TMEM132A: variants seen among roughly 807,000 people sequenced by gnomAD.
TMEM132A encodes GRP78-binding protein.
A neutral mutation model predicts 69.9 loss-of-function variants in TMEM132A; 48 were observed. The observed-to-expected ratio is 0.69, with a 90% CI of 0.55 to 0.87. The LOEUF is 0.87. Ranked by LOEUF, TMEM132A falls within the 40% of genes least tolerant of loss-of-function variation. The probability of loss-of-function intolerance (pLI) is 0.00; values close to 1 mark genes in which losing one functional copy is unlikely to be tolerated. For missense variants in TMEM132A, 1,287 were observed against 1,407.2 expected, an observed-to-expected ratio of 0.91 and a Z score of 1.37; for synonymous variants, 577 against 613.7, an observed-to-expected ratio of 0.94 and a Z score of 0.88.
chr11:60,929,457 G>A (rs1006735000), intron 4 of TMEM132A, among the ~76,000 whole-genome samples: 3 of 152,144 alleles, frequency 2.0e-5, no homozygotes, highest in Non-Finnish European at 2.9e-5. Flanking sequence ...GTCCTTTTCC[G>A]TAATAAGTTC....
chr11:60,933,807 A>G, intron 8 of TMEM132A, 63 bp downstream of exon 8: 1 of 1,450,946 alleles, frequency 6.9e-7, no homozygotes, highest in Admixed American at 2.1e-5. Flanking sequence ...GAGAGGGCGC[A>G]GGGGACACAG....
chr11:60,931,697 A>G lies in TMEM132A; in HGVS notation c.1025A>G (p.Glu342Gly). The change falls in exon 6 of 11, where the codon GAA becomes GGA. Residue 342 changes from glutamate (E) to glycine (G), a missense_variant. Glu to Gly is a moderately conservative substitution (Grantham distance 98, BLOSUM62 -2). Coordinates refer to ENST00000453848, the MANE Select transcript of TMEM132A (RefSeq NM_178031.3). ...GLTEPDSSPL[E>G]LSEFLWVDFV... ...TCTCCTTTGGCCAGCAGTCCCCTTG[A>G]ACTGTCTGAGTTCCTATGGGTGGAC... 6.2e-7 allele frequency: 1 copy of G among 1,611,382 alleles called. No homozygotes were observed. Among genetic ancestry groups the G allele is most frequent in the Non-Finnish European group, 8.5e-7 (1 of 1,177,914 alleles).
At position 60,931,749 on chromosome 11, in the gene TMEM132A, G is replaced by A. The variant is rs1291247911; in HGVS notation, c.1077G>A (p.Gly359=). ...VDFVVENSTG[G]GVAVTRPVTW... is the part of the protein sequence containing the mutation. Reference sequence around the variant, plus strand: ...TTGTGGTGGAGAATAGCACTGGTGGGGGCGTAGCGGTCACTCGCCCCGTCA... The same window carrying A: ...TTGTGGTGGAGAATAGCACTGGTGGAGGCGTAGCGGTCACTCGCCCCGTCA... The change falls in exon 6 of 11, where the codon GGG becomes GGA. Residue 359 remains glycine, a synonymous_variant. Coordinates refer to ENST00000453848, the MANE Select transcript of TMEM132A (RefSeq NM_178031.3). The A allele has an allele frequency of 6.2e-7, 1 of 1,614,098 alleles. No individual in the cohort carries two copies. The highest frequency in any genetic ancestry group is 2.2e-5 in the East Asian group (1 of 44,904).
At chr11:60,925,020 G>A (rs995759096) in intron 1 of TMEM132A, among the ~76,000 whole-genome samples, 5 of 152,136 alleles carry the variant, frequency 3.3e-5, no homozygotes, top group Admixed American at 2.6e-4. Context: ...CCCTCAGCCC[G>A]GGCATCGAAC....
rs1426924972 is a variant in TMEM132A, at chr11:60,931,669, C to CT, written c.1017-19dup. The CT allele has an allele frequency of 6.3e-7, 1 of 1,591,234 alleles. No homozygotes were observed. Among genetic ancestry groups the CT allele is most frequent in the Middle Eastern group, 1.7e-4 (1 of 5,938 alleles). ...GGCAGCTAGCAAGCATTTGGCTTCT[C>CT]TGTCTCCTTTGGCCAGCAGTCCCCT... On this transcript the variant is annotated intron_variant, in intron 5 of 10. Transcript: ENST00000453848.
At chr11:60,934,229 A>G (rs1214844124) in intron 8 of TMEM132A, 1 of 402,902 alleles carries the variant, frequency 2.5e-6, no homozygotes, top group Non-Finnish European at 4.4e-6. Context: ...GGGTCCCCGT[A>G]AGAGAGCGTC....
Position 60,927,266 on chromosome 11 carries a change from G to A in TMEM132A, c.163G>A (p.Ala55Thr), listed in dbSNP as rs749594128. 8.1e-6 allele frequency: 13 copies of A among 1,613,338 alleles called. No individual in the cohort carries two copies. The highest frequency in any genetic ancestry group is 6.6e-5 in the South Asian group (6 of 91,060). The change falls in exon 2 of 11, where the codon GCC (alanine) becomes ACC (threonine). Residue 55 changes from alanine (A) to threonine (T), a missense_variant. Physicochemically the swap from Ala to Thr is moderately conservative, Grantham distance 58 (BLOSUM62 0). Transcript: ENST00000453848. ...YLPAALELLD[A>T]PEHFRVQQVG... ...GCCGGCAGCCCTGGAGCTCCTAGAC[G>A]CCCCTGAACACTTCCGTGTGCAGCA...
chr11:60,936,935 A>G lies in TMEM132A; in HGVS notation c.*28A>G. On this transcript the variant is annotated 3_prime_UTR_variant, in exon 11 of 11. Transcript: ENST00000453848. ...CTCCACAGCCACCTGGTCAGCCACC[A>G]GCTGGGGCAACGAGGGTGGAGGTCC... 2.7e-6 allele frequency: 4 copies of G among 1,503,392 alleles called. No homozygotes were observed. In the South Asian group the frequency reaches 5.4e-5, roughly 20 times the overall value. The allele number at this position is 1,503,392 out of a possible 1,614,324, so 93.1% of individuals were successfully genotyped here. A position where few individuals can be genotyped will look rare whatever the true frequency, so the allele number is the denominator to read the frequency against.
chr11:60,928,896 G>A lies in TMEM132A; in HGVS notation c.802G>A (p.Gly268Ser), dbSNP rs372811050. Residue 268 changes from glycine (G) to serine (S), a missense_variant, in exon 4 of 11, where the codon GGC becomes AGC. By Grantham distance (56) the Gly-to-Ser change is moderately conservative. Coordinates refer to ENST00000453848, the MANE Select transcript of TMEM132A (RefSeq NM_178031.3). ...LRVPDMPVRP[G>S]QLFSATLLLR... Reference sequence around the variant, plus strand: ...GGTGCCTGACATGCCAGTGCGGCCCGGCCAGCTCTTTAGTGCTACCCTCCT... The same window carrying A: ...GGTGCCTGACATGCCAGTGCGGCCCAGCCAGCTCTTTAGTGCTACCCTCCT... The A allele has an allele frequency of 4.7e-5, 76 of 1,612,638 alleles. No homozygotes were observed. Among genetic ancestry groups the A allele is most frequent in the Non-Finnish European group, 6.3e-5 (74 of 1,180,016 alleles).
In TMEM132A at chr11:60,936,753, C is replaced by G. The variant is rs1429178320; in HGVS notation, c.2918C>G (p.Pro973Arg). ...VEFVTFAPAP[P>R]AQSPEEPVGA... Reference sequence around the variant, plus strand: ...TTTGTGACATTTGCGCCAGCCCCTCCAGCCCAGTCACCTGAGGAGCCTGTA... The same window carrying G: ...TTTGTGACATTTGCGCCAGCCCCTCGAGCCCAGTCACCTGAGGAGCCTGTA... Residue 973 changes from proline to arginine, a missense_variant, in exon 11 of 11, where the codon CCA becomes CGA. Pro to Arg is a moderately radical substitution (Grantham distance 103, BLOSUM62 -2). Transcript: ENST00000453848. 1 of 1,608,814 alleles carries G rather than the reference C, an allele frequency of 6.2e-7. No individual in the cohort carries two copies. The highest frequency in any genetic ancestry group is 1.3e-5 in the African/African-American group (1 of 74,646).
In TMEM132A at chr11:60,937,122, A is replaced by G; in HGVS notation, c.*215A>G. 2.7e-6 allele frequency: 4 copies of G among 1,505,760 alleles called. No homozygotes were observed. The highest frequency in any genetic ancestry group is 1.4e-5 in the African/African-American group (1 of 71,894). The allele number at this position is 1,505,760 out of a possible 1,614,324, so 93.3% of individuals were successfully genotyped here. The stretch of plus-strand genomic sequence containing the variant: ...CTCATGCCCCTTATTTATGGGAACC[A>G]TTTCATTCTAACAGAATAAACCGAG... On this transcript the variant is annotated 3_prime_UTR_variant, in exon 11 of 11. Coordinates refer to ENST00000453848, the MANE Select transcript of TMEM132A (RefSeq NM_178031.3).
Position 60,924,536 on chromosome 11 carries a change from C to T in TMEM132A, c.-98C>T, listed in dbSNP as rs879361442. ...GGCGGCGGCGGCGGCCGGGACCCAGCGGGCCAGGTGGGGACGGCGCGGAGC... is the reference window on the plus strand; with the variant it reads ...GGCGGCGGCGGCGGCCGGGACCCAGTGGGCCAGGTGGGGACGGCGCGGAGC... On this transcript the variant is annotated 5_prime_UTR_variant, in exon 1 of 11. Transcript: ENST00000453848. 109 of 891,290 alleles carry T rather than the reference C, an allele frequency of 1.2e-4. No individual in the cohort carries two copies. The highest frequency in any genetic ancestry group is 1.6e-4 in the Non-Finnish European group (103 of 657,250). 55.2% of individuals were successfully genotyped at this position (891,290 alleles called of 1,614,324 possible). A position where few individuals can be genotyped will look rare whatever the true frequency, so the allele number is the denominator to read the frequency against.
chr11:60,927,781 A>T lies in TMEM132A; in HGVS notation c.456A>T (p.Pro152=). The change falls in exon 3 of 11, where the codon CCA becomes CCT. Residue 152 remains proline, a synonymous_variant. Transcript: ENST00000453848. The stretch of plus-strand genomic sequence containing the variant: ...ACCTCAAAGGGCAGGATTGGCCACC[A>T]GGGTCTGGCAGCCTGCCCTGTGCCC... ...LFHLKGQDWP[P]GSGSLPCARL... is the part of the protein sequence containing the mutation. The T allele has an allele frequency of 6.2e-7, 1 of 1,612,884 alleles. No individual in the cohort carries two copies. The highest frequency in any genetic ancestry group is 8.5e-7 in the Non-Finnish European group (1 of 1,180,002).
rs772451903 is a variant in TMEM132A, at chr11:60,935,915, G to A, written c.2080G>A (p.Ala694Thr). Reference sequence around the variant, plus strand: ...CTTCTCTGATCACACTGTGGCCCCAGCTGAGCTCTACGACCGCCGTGACCT... The same window carrying A: ...CTTCTCTGATCACACTGTGGCCCCAACTGAGCTCTACGACCGCCGTGACCT... ...LSFSDHTVAP[A>T]ELYDRRDLGL... Residue 694 changes from alanine to threonine, a missense_variant, in exon 11 of 11, where the codon GCT (alanine) becomes ACT (threonine). Physicochemically the swap from Ala to Thr is moderately conservative, Grantham distance 58 (BLOSUM62 0). Transcript: ENST00000453848. This position sits in a 1 kb window ranked among gnomAD's most constrained non-coding sequence, Gnocchi z 5.0. 6.2e-7 allele frequency: 1 copy of A among 1,611,934 alleles called. No individual in the cohort carries two copies. Among genetic ancestry groups the A allele is most frequent in the Non-Finnish European group, 8.5e-7 (1 of 1,179,956 alleles).
chr11:60,934,760 T>C lies in TMEM132A; in HGVS notation c.1832T>C (p.Ile611Thr), dbSNP rs770620791. The C allele has an allele frequency of 5.0e-6, 8 of 1,598,206 alleles. No individual in the cohort carries two copies. Among genetic ancestry groups the C allele is most frequent in the South Asian group, 1.1e-5 (1 of 90,084 alleles). Residue 611 changes from isoleucine (I) to threonine (T), a missense_variant, in exon 9 of 11, where the codon ATT becomes ACT. Coordinates refer to ENST00000453848, the MANE Select transcript of TMEM132A (RefSeq NM_178031.3). ...VVGREPGVTS[I>T]EVRSPLSDSI... ...GGCCGGGAGCCCGGTGTCACCTCCA[T>C]TGAGGTAAGCAGCTGGGGACCAGGA...
At chr11:60,927,543 G>A in intron 2 of TMEM132A, 98 bp from the exon 3 acceptor site, 1 of 1,407,644 alleles carries the variant, frequency 7.1e-7, no homozygotes, top group Non-Finnish European at 9.7e-7. Flanking sequence ...GGAAACTGAG[G>A]CCCATAAAGG....
chr11:60,930,773 A>G lies in TMEM132A; in HGVS notation c.1016+114A>G, dbSNP rs1304152537. On this transcript the variant is annotated intron_variant, in intron 5 of 10. Transcript: ENST00000453848. ...TCTAGATCCCCAGGTGAGCAGACCC[A>G]AGGACAGATTTTTTCAAGGAAGCAG... 4 of 1,068,790 alleles carry G rather than the reference A, an allele frequency of 3.7e-6. No individual in the cohort carries two copies. In the Admixed American group the frequency reaches 1.3e-4, roughly 34 times the overall value. 66.2% of individuals were successfully genotyped at this position (1,068,790 alleles called of 1,614,324 possible).
chr11:60,928,693 C>A lies in TMEM132A; in HGVS notation c.599C>A (p.Thr200Asn). Residue 200 changes from threonine (T) to asparagine (N), a missense_variant, in exon 4 of 11, where the codon ACC becomes AAC. Coordinates refer to ENST00000453848, the MANE Select transcript of TMEM132A (RefSeq NM_178031.3). ...TCGCACTGGTTCTCACAGGCCTCCA[C>A]CACACGGGCCGAGCTGGCCTACACG... Reference protein sequence around the residue: ...LPSHWFSQASTTRAELAYTLE... With the variant: ...LPSHWFSQASNTRAELAYTLE... The A allele has an allele frequency of 6.2e-7, 1 of 1,611,052 alleles. No homozygotes were observed. Among genetic ancestry groups the A allele is most frequent in the Non-Finnish European group, 8.5e-7 (1 of 1,179,792 alleles).
rs1303085117 is a variant in TMEM132A at position 60,927,727 on chromosome 11, A to G, written c.402A>G (p.Pro134=). The part of the protein sequence containing the change: ...RAVSVEAAVT[P]AEPYARVLFH... Reference sequence around the variant, plus strand: ...TTTCAGTGGAAGCGGCTGTGACTCCAGCAGAGCCCTACGCCCGGGTTCTCT... The same window carrying G: ...TTTCAGTGGAAGCGGCTGTGACTCCGGCAGAGCCCTACGCCCGGGTTCTCT... Residue 134 remains proline (P), a synonymous_variant, in exon 3 of 11, where the codon CCA becomes CCG. Transcript: ENST00000453848. The G allele has an allele frequency of 6.2e-7, 1 of 1,613,508 alleles. No individual in the cohort carries two copies. The highest frequency in any genetic ancestry group is 8.5e-7 in the Non-Finnish European group (1 of 1,180,046).
Sources: gnomAD v4.1 joint callset for allele counts (sites outside exome capture counted in the v4.1 genomes callset) on GRCh38, gnomAD v4.1.1 for gene constraint, Gnocchi (gnomAD v3.1) non-coding constraint, MANE v1.5 for transcripts, NCBI Gene and HGNC (gene_info 2026-07-23, HGNC 2026-07-21) for gene names.